The following MADCAM1 variants were observed in gnomAD, a reference collection of about 807,000 sequenced individuals.
MADCAM1 encodes the protein mucosal vascular addressin cell adhesion molecule 1.
A neutral mutation model predicts 26.1 loss-of-function variants in MADCAM1; 19 were observed. The ratio of observed to expected loss-of-function variants is 0.73; its 90% CI spans 0.51 to 1.07. The LOEUF is 1.07. MADCAM1 is among the 50% of genes least tolerant of loss of function. The pLI is 0.00. For missense variants in MADCAM1, 514 were observed against 542.1 expected, an observed-to-expected ratio of 0.95 and a Z score of 0.51; for synonymous variants, 268 against 260.9, an observed-to-expected ratio of 1.03 and a Z score of -0.26.
Position 505,254 on chromosome 19 carries a change from A to T in MADCAM1, c.*289A>T. On this transcript the variant is annotated 3_prime_UTR_variant, in exon 5 of 5. Transcript: ENST00000215637. ...ATTCATGTCTCACGTCTCCCTAAAA[A>T]TGCGTAAGACCAAGCTGTGCCCTGA... 2.8e-6 allele frequency: 1 copy of T among 354,362 alleles called. No individual in the cohort carries two copies. Among genetic ancestry groups the T allele is most frequent in the Non-Finnish European group, 5.1e-6 (1 of 195,162 alleles). 22.0% of individuals were successfully genotyped at this position (354,362 alleles called of 1,614,324 possible). A position where few individuals can be genotyped will look rare whatever the true frequency, so the allele number is the denominator to read the frequency against.
intron 3 of MADCAM1, chr19:499,960 C>T (rs1296210724): frequency 1.5e-5 from 6 of 409,970 alleles, no homozygotes; most frequent in Non-Finnish European, 2.9e-5. Flanking sequence ...GGGGATAAAG[C>T]AGAAGCTGGG....
chr19:502,548 C>T (rs531420563), intron 4 of MADCAM1, among the ~76,000 whole-genome samples: 42 of 152,124 alleles, frequency 2.8e-4, no homozygotes, highest in African/African-American at 9.4e-4. Flanking sequence ...GTGATCTGCC[C>T]GCCTCGGCCT....
At chr19:504,026 G>A (rs1485372775) in intron 4 of MADCAM1, among the ~76,000 whole-genome samples, 1 of 150,828 alleles carries the variant, frequency 6.6e-6, no homozygotes, top group Non-Finnish European at 1.5e-5. Flanking sequence ...TTGCACTCCA[G>A]CCTGGGGGAC....
In MADCAM1 at chr19:504,934, G is replaced by C. The variant is rs1159760832; in HGVS notation, c.1118G>C (p.Gly373Ala). ...PQVSAWAGLR[G>A]TGQVGISPS is the part of the protein sequence containing the mutation. Reference sequence around the variant, plus strand: ...GTGTCGGCCTGGGCTGGGTTAAGGGGGACCGGCCAGGTCGGGATCAGCCCC... The same window carrying C: ...GTGTCGGCCTGGGCTGGGTTAAGGGCGACCGGCCAGGTCGGGATCAGCCCC... The change falls in exon 5 of 5, where the codon GGG becomes GCG. Residue 373 changes from glycine (G) to alanine (A), a missense_variant. Around this residue, in one of 3 missense-constraint regions of MADCAM1, gnomAD observed 152 missense variants for 136.7 expected, o/e 1.11. Coordinates refer to ENST00000215637, the MANE Select transcript of MADCAM1 (RefSeq NM_130760.3). The C allele has an allele frequency of 1.2e-6, 2 of 1,603,586 alleles. No homozygotes were observed. Among genetic ancestry groups the C allele is most frequent in the Admixed American group, 3.3e-5 (2 of 59,808 alleles).
intron 4 of MADCAM1, among the ~76,000 whole-genome samples, chr19:503,958 A>C (rs1335321256): frequency 2.0e-5 from 3 of 151,514 alleles, no homozygotes; most frequent in Non-Finnish European, 4.4e-5. Flanking sequence ...GGGAGGCTGA[A>C]GCAGGAGAAT....
chr19:500,389 C>T (rs2145820052), intron 3 of MADCAM1, among the ~76,000 whole-genome samples: 1 of 152,302 alleles, frequency 6.6e-6, no homozygotes, highest in South Asian at 2.1e-4. Context: ...ACTTCCCTGA[C>T]TGTGGGTCCT....
At chr19:502,217 T>C (rs1389744582) in intron 4 of MADCAM1, among the ~76,000 whole-genome samples, 3 of 152,206 alleles carry the variant, frequency 2.0e-5, no homozygotes, top group African/African-American at 7.2e-5. Context: ...TGTGTAGATG[T>C]CAAGGCACTT....
At chr19:497,752 G>C in intron 1 of MADCAM1, 81 bp from the exon 2 acceptor site, 1 of 1,128,060 alleles carries the variant, frequency 8.9e-7, no homozygotes, top group Non-Finnish European at 1.1e-6. Flanking sequence ...GCGGGGTCCG[G>C]GGGTGGAGCG....
chr19:501,696 C>G lies in MADCAM1; in HGVS notation c.695C>G (p.Pro232Arg), dbSNP rs1978334004. The change falls in exon 4 of 5, where the codon CCT (proline) becomes CGT (arginine). Residue 232 changes from proline to arginine, a missense_variant. By Grantham distance (103) the Pro-to-Arg change is moderately radical (BLOSUM62 -2). Transcript: ENST00000215637. The stretch of plus-strand genomic sequence containing the variant: ...CTGCACAGCCCGACCTCCCCGGAGC[C>G]TCCCGACACCACCTCCCCGGAGTCT... ...PVLHSPTSPE[P>R]PDTTSPESPD... 6.5e-7 allele frequency: 1 copy of G among 1,530,918 alleles called. No homozygotes were observed. The highest frequency in any genetic ancestry group is 8.7e-7 in the Non-Finnish European group (1 of 1,143,222). 94.8% of individuals were successfully genotyped at this position (1,530,918 alleles called of 1,614,324 possible).
Position 501,718 on chromosome 19 carries a change from G to A in MADCAM1, c.717G>A (p.Glu239=). ...SPEPPDTTSP[E]SPDTTSPESP... is the part of the protein sequence containing the mutation. The stretch of plus-strand genomic sequence containing the variant: ...AGCCTCCCGACACCACCTCCCCGGA[G>A]TCTCCCGACACCACCTCCCCGGAGT... The change falls in exon 4 of 5, where the codon GAG becomes GAA. Residue 239 remains glutamate (E), a synonymous_variant. Coordinates refer to ENST00000215637, the MANE Select transcript of MADCAM1 (RefSeq NM_130760.3). 4.0e-6 allele frequency: 6 copies of A among 1,504,910 alleles called. No homozygotes were observed. The highest frequency in any genetic ancestry group is 5.3e-6 in the Non-Finnish European group (6 of 1,125,814). The allele number at this position is 1,504,910 out of a possible 1,614,324, so 93.2% of individuals were successfully genotyped here.
chr19:504,904 C>G lies in MADCAM1; in HGVS notation c.1088C>G (p.Pro363Arg). 6.2e-7 allele frequency: 1 copy of G among 1,612,468 alleles called. No individual in the cohort carries two copies. Among genetic ancestry groups the G allele is most frequent in the Non-Finnish European group, 8.5e-7 (1 of 1,179,568 alleles). The change falls in exon 5 of 5, where the codon CCC (proline) becomes CGC (arginine). Residue 363 changes from proline (P) to arginine (R), a missense_variant. By Grantham distance (103) the Pro-to-Arg change is moderately radical (BLOSUM62 -2). Transcript: ENST00000215637. Reference protein sequence around the residue: ...THPPASLRLLPQVSAWAGLRG... With the variant: ...THPPASLRLLRQVSAWAGLRG... ...CCACCAGCTTCTCTGAGGCTTCTGC[C>G]CCAGGTGTCGGCCTGGGCTGGGTTA... is the stretch of plus-strand genomic sequence containing the variant.
At chr19:501,414 A>G in intron 3 of MADCAM1, 1 of 334,606 alleles carries the variant, frequency 3.0e-6, no homozygotes, top group Non-Finnish European at 5.0e-6. Flanking sequence ...GAACCTGAGG[A>G]GCGGAGGTTG....
chr19:498,424 C>G (rs896409221), intron 2 of MADCAM1, 72 bp from the exon 3 acceptor site: 3 of 1,392,762 alleles, frequency 2.2e-6, no homozygotes, highest in Non-Finnish European at 2.8e-6. Flanking sequence ...CAAGCCCCTC[C>G]GGGCTCCGGC....
chr19:498,529 C>T lies in MADCAM1; in HGVS notation c.371C>T (p.Ala124Val), dbSNP rs1978297511. The stretch of plus-strand genomic sequence containing the variant: ...GACCAGCTGACCGTCTCCCCAGCAG[C>T]CCTGGTGCCTGGTGACCCGGAGGTG... ...FPDQLTVSPAALVPGDPEVAC... is the reference protein window; with the variant it reads ...FPDQLTVSPAVLVPGDPEVAC... Residue 124 changes from alanine (A) to valine (V), a missense_variant, in exon 3 of 5, where the codon GCC (alanine) becomes GTC (valine). By Grantham distance (64) the Ala-to-Val change is moderately conservative. This residue lies in a region of MADCAM1 where 317 missense variants were observed against 313.6 expected (regional missense o/e 1.01). Coordinates refer to ENST00000215637, the MANE Select transcript of MADCAM1 (RefSeq NM_130760.3). The T allele has an allele frequency of 1.4e-6, 2 of 1,470,586 alleles. No homozygotes were observed. The highest frequency in any genetic ancestry group is 1.8e-6 in the Non-Finnish European group (2 of 1,116,314). 91.1% of individuals were successfully genotyped at this position (1,470,586 alleles called of 1,614,324 possible). A position where few individuals can be genotyped will look rare whatever the true frequency, so the allele number is the denominator to read the frequency against.
At position 504,926 on chromosome 19, in the gene MADCAM1, G is replaced by C. The variant is rs1412077930; in HGVS notation, c.1110G>C (p.Gly370=). The C allele has an allele frequency of 6.2e-7, 1 of 1,607,124 alleles. No individual in the cohort carries two copies. ...TGCCCCAGGTGTCGGCCTGGGCTGG[G>C]TTAAGGGGGACCGGCCAGGTCGGGA... The part of the protein sequence containing the change: ...RLLPQVSAWA[G]LRGTGQVGIS... Residue 370 remains glycine (G), a synonymous_variant, in exon 5 of 5, where the codon GGG becomes GGC. Coordinates refer to ENST00000215637, the MANE Select transcript of MADCAM1 (RefSeq NM_130760.3).
Position 498,067 on chromosome 19 carries a change from GCTC to G in MADCAM1, c.290_292del (p.Ser97del). 6.8e-7 allele frequency: 1 copy of G among 1,461,048 alleles called. No individual in the cohort carries two copies. Among genetic ancestry groups the G allele is most frequent in the Non-Finnish European group, 9.0e-7 (1 of 1,112,634 alleles). The allele number at this position is 1,461,048 out of a possible 1,614,324, so 90.5% of individuals were successfully genotyped here. On this transcript the variant is annotated inframe_deletion, in exon 2 of 5. Coordinates refer to ENST00000215637, the MANE Select transcript of MADCAM1 (RefSeq NM_130760.3). ...GCGGCCGGGACCCGCGTGTGCGTGG[GCTC>G]CTGCGGGGGCCGCACCTTCCAGCAC...
At chr19:498,157 A>T (rs1026366735) in intron 2 of MADCAM1, 40 bp downstream of exon 2, 4 of 1,297,154 alleles carry the variant, frequency 3.1e-6, no homozygotes, top group Admixed American at 8.2e-5. Flanking sequence ...TGACCCTTGG[A>T]CTCCCGGCTC....
At chr19:497,735 AGGCGG>A in intron 1 of MADCAM1, 93 bp from the exon 2 acceptor site, 1 of 851,200 alleles carries the variant, frequency 1.2e-6, no homozygotes, top group Non-Finnish European at 1.4e-6. Context: ...AACCGGGCAG[AGGCGG>A]GGCGGGGTCC....
Position 497,888 on chromosome 19 carries a change from C to T in MADCAM1, c.108C>T (p.Ala36=). The change falls in exon 2 of 5, where the codon GCC becomes GCT. Residue 36 remains alanine, a synonymous_variant. Coordinates refer to ENST00000215637, the MANE Select transcript of MADCAM1 (RefSeq NM_130760.3). ...LQVEPPEPVV[A]VALGASRQLT... ...TGGAGCCCCCGGAGCCGGTGGTGGC[C>T]GTGGCCTTGGGCGCCTCGCGCCAGC... The T allele has an allele frequency of 1.5e-6, 2 of 1,358,800 alleles. No individual in the cohort carries two copies. The highest frequency in any genetic ancestry group is 1.8e-5 in the South Asian group (1 of 55,744). 84.2% of individuals were successfully genotyped at this position (1,358,800 alleles called of 1,614,324 possible).
Sources: gnomAD v4.1 joint callset for allele counts (sites outside exome capture counted in the v4.1 genomes callset) on GRCh38, gnomAD v4.1.1 for gene constraint, gnomAD v4.1.1 regional missense constraint, MANE v1.5 for transcripts, NCBI Gene and HGNC (gene_info 2026-07-23, HGNC 2026-07-21) for gene names.